DCC: variants seen among roughly 807,000 people sequenced by gnomAD.
The protein encoded by DCC is netrin receptor DCC.
In DCC, 58 loss-of-function variants were observed where a neutral mutation model predicts 172.5. The observed-to-expected ratio is 0.34, with a 90% confidence interval of 0.27 to 0.42. The LOEUF is 0.42. Among genes scored for constraint, DCC ranks in the 10% least tolerant of loss-of-function variants. The pLI, the probability that DCC is intolerant of heterozygous loss-of-function variation, is 1.00. For synonymous variants in DCC, 709 were observed against 644.5 expected (o/e 1.10, Z -1.52); for missense variants, 1,740 against 1,791.0 (o/e 0.97, Z 0.51).
At chr18:53,461,157 G>A (rs150343131) in intron 24 of DCC, among the ~76,000 whole-genome samples, 6,098 of 152,156 alleles carry the variant, frequency 0.04, 392 homozygotes, top group African/African-American at 0.14. Context: ...ATTTGTTTGC[G>A]TTCATTGTAG....
intron 15 of DCC, 28 bp downstream of exon 15, chr18:53,339,935 A>T: frequency 6.4e-7 from 1 of 1,562,954 alleles, no homozygotes; most frequent in Non-Finnish European, 8.8e-7. Context: ...TTTTTATTCT[A>T]TTAAGGGGAA....
chr18:52,463,812 T>C (rs1988702425), intron 1 of DCC, among the ~76,000 whole-genome samples: 1 of 152,210 alleles, frequency 6.6e-6, no homozygotes, highest in Non-Finnish European at 1.5e-5. Context: ...TGGAAGATAT[T>C]CATTATATAA....
At chr18:52,902,119 G>A (rs1185880434) in intron 2 of DCC, among the ~76,000 whole-genome samples, 2 of 152,276 alleles carry the variant, frequency 1.3e-5, no homozygotes, top group African/African-American at 4.8e-5. Context: ...ACCATGTTTA[G>A]GACATCTACA....
intron 1 of DCC, among the ~76,000 whole-genome samples, chr18:52,705,211 C>T (rs112819468): frequency 7.2e-5 from 11 of 152,112 alleles, no homozygotes; most frequent in African/African-American, 2.2e-4. Flanking sequence ...CAATTGTTGT[C>T]GATTGCTCAG....
chr18:52,966,973 C>T (rs2040942231), intron 5 of DCC, among the ~76,000 whole-genome samples: 1 of 152,186 alleles, frequency 6.6e-6, no homozygotes, highest in African/African-American at 2.4e-5. Flanking sequence ...AGCCCCTGTG[C>T]TCTGTTTTCT....
chr18:52,626,863 G>A (rs1463001472), intron 1 of DCC, among the ~76,000 whole-genome samples: 1 of 152,142 alleles, frequency 6.6e-6, no homozygotes, highest in Non-Finnish European at 1.5e-5. Context: ...ATGCATATAT[G>A]ATACTATTTT....
chr18:53,044,335 A>G (rs2042208361), intron 5 of DCC, among the ~76,000 whole-genome samples: 1 of 151,876 alleles, frequency 6.6e-6, no homozygotes, highest in Non-Finnish European at 1.5e-5. Context: ...GGCCATTGAA[A>G]TGCTTTGATA....
intron 2 of DCC, among the ~76,000 whole-genome samples, chr18:52,855,760 A>ATT (rs1156297817): frequency 8.6e-6 from 1 of 116,194 alleles, no homozygotes; most frequent in Non-Finnish European, 1.9e-5. Context: ...TAGCGTATAA[A>ATT]TTCTTTTTTT....
chr18:53,460,057 A>G (rs1223433512), intron 24 of DCC, among the ~76,000 whole-genome samples: 8 of 28,464 alleles, frequency 2.8e-4, no homozygotes, highest in South Asian at 7.0e-4. Context: ...AAGGGATCTG[A>G]AAAAAAAAAA....
chr18:52,500,113 GT>G (rs34895630), intron 1 of DCC, among the ~76,000 whole-genome samples: 83 of 144,782 alleles, frequency 5.7e-4, no homozygotes, highest in East Asian at 3.2e-3. Flanking sequence ...ATTTTCACTA[GT>G]TTTTTTTTTT....
intron 1 of DCC, among the ~76,000 whole-genome samples, chr18:52,397,394 G>T (rs943358010): frequency 1.3e-5 from 2 of 151,974 alleles, no homozygotes; most frequent in African/African-American, 4.8e-5. Context: ...CCTAGAGCAG[G>T]TCCTCACACA....
rs142564714 is a variant in DCC, at chr18:52,839,782, G to A, written c.413-66262G>A. 8.1e-3 allele frequency among the ~76,000 whole-genome samples: 1,237 copies of A among 152,290 alleles called. 5 individuals are homozygous for A. Among genetic ancestry groups the A allele is most frequent in the Non-Finnish European group, 0.012 (795 of 67,998 alleles). On this transcript the variant is annotated intron_variant, in intron 2 of 28. Coordinates refer to ENST00000442544, the MANE Select transcript of DCC (RefSeq NM_005215.4). ...GTGCAACAGTACCTGTGATGGTGTG[G>A]ATTAGGTGTTACATTTTGTTTAGAC... is the stretch of plus-strand genomic sequence containing the variant.
At chr18:53,219,877 A>G (rs1598917970) in intron 12 of DCC, among the ~76,000 whole-genome samples, 3 of 152,160 alleles carry the variant, frequency 2.0e-5, no homozygotes, top group Non-Finnish European at 4.4e-5. Context: ...TTTTTAACAG[A>G]TATTTTAACA....
intron 7 of DCC, among the ~76,000 whole-genome samples, chr18:53,096,328 C>G (rs957677422): frequency 6.6e-6 from 1 of 151,868 alleles, no homozygotes; most frequent in Non-Finnish European, 1.5e-5. Flanking sequence ...GACAGTGAGG[C>G]CTTGTAGCTA....
At chr18:52,645,764 A>G (rs2035006899) in intron 1 of DCC, among the ~76,000 whole-genome samples, 1 of 152,206 alleles carries the variant, frequency 6.6e-6, no homozygotes, top group South Asian at 2.1e-4. Flanking sequence ...AGTTCTAGAC[A>G]TGGAATGAGC....
chr18:52,854,238 T>A (rs1193224542), intron 2 of DCC, among the ~76,000 whole-genome samples: 1 of 152,226 alleles, frequency 6.6e-6, no homozygotes. Flanking sequence ...GAAGGCAAAG[T>A]ATAACCTCTC....
At chr18:52,535,645 C>A (rs1447620549) in intron 1 of DCC, among the ~76,000 whole-genome samples, 1 of 152,004 alleles carries the variant, frequency 6.6e-6, no homozygotes, top group Non-Finnish European at 1.5e-5. Flanking sequence ...TATTGGAAAG[C>A]AAATGATTTT....
intron 7 of DCC, among the ~76,000 whole-genome samples, chr18:53,067,069 A>G (rs1568282157): frequency 6.6e-6 from 1 of 152,178 alleles, no homozygotes; most frequent in Non-Finnish European, 1.5e-5. Flanking sequence ...CCCACCTCCA[A>G]CACTGGGGAT....
intron 1 of DCC, among the ~76,000 whole-genome samples, chr18:52,546,353 T>C (rs1307434645): frequency 6.6e-6 from 1 of 151,868 alleles, no homozygotes; most frequent in Non-Finnish European, 1.5e-5. Context: ...AGAAGAAAGA[T>C]CAAAGCCACG....
Sources: allele counts gnomAD v4.1 joint callset (sites outside exome capture counted in the v4.1 genomes callset), GRCh38; gene constraint gnomAD v4.1.1; transcripts MANE v1.5; gene names NCBI Gene and HGNC (gene_info 2026-07-23, HGNC 2026-07-21).